Variants in OR4K1 observed in about 807,000 individuals in gnomAD.
The protein encoded by OR4K1 is olfactory receptor family 4 subfamily K member 1, also known as olfactory receptor 4K1.
OR4K1 carries 16 observed loss-of-function variants against 14.4 expected under a neutral mutation model. The observed-to-expected ratio is 1.11, with a 90% CI of 0.75 to 1.68. The LOEUF (loss-of-function observed/expected upper bound fraction) is 1.68, where lower values mean the gene tolerates loss of function less well. Ranked by LOEUF, OR4K1 falls within the 40% of genes most tolerant of loss-of-function variation. The pLI is 0.00. For missense variants in OR4K1, 548 were observed against 376.9 expected (o/e 1.45, Z -3.76); for synonymous variants, 181 against 133.1 (o/e 1.36, Z -2.48).
chr14:19,932,969 C>T (rs1566501761), intron 1 of OR4K1, among the ~76,000 whole-genome samples: 1 of 88,454 alleles, frequency 1.1e-5, no homozygotes, highest in African/African-American at 3.5e-5. Flanking sequence ...ATTTATAACA[C>T]TTATAAATAT....
At chr14:19,925,159 G>A in the OR4K1 span, among the ~76,000 whole-genome samples, 1 of 152,182 alleles carries the variant, frequency 6.6e-6, no homozygotes, top group Non-Finnish European at 1.5e-5. Flanking sequence ...GGCAGAAGAA[G>A]TGAACATTTT....
chr14:19,925,171 G>C, the OR4K1 span, among the ~76,000 whole-genome samples: 2 of 152,216 alleles, frequency 1.3e-5, no homozygotes, highest in African/African-American at 4.8e-5. Context: ...GAACATTTTA[G>C]TAAATGTGGA....
intron 1 of OR4K1, among the ~76,000 whole-genome samples, chr14:19,933,086 A>T (rs1484074422): frequency 1.3e-5 from 2 of 151,624 alleles, no homozygotes; most frequent in African/African-American, 4.8e-5. Flanking sequence ...TTTAAGTGGC[A>T]AATCTTATCA....
At chr14:19,929,027 G>A (rs930652702), upstream of OR4K1, among the ~76,000 whole-genome samples, 10 of 149,922 alleles carry the variant, frequency 6.7e-5, no homozygotes, top group Non-Finnish European at 1.3e-4. Flanking sequence ...ATATATTTAT[G>A]GCTTCTTTAA....
At position 19,935,824 on chromosome 14, in the gene OR4K1, C is replaced by A. The variant is rs376183761; in HGVS notation, c.158C>A (p.Ser53Tyr). The A allele has an allele frequency of 1.6e-5, 26 of 1,614,026 alleles. No homozygotes were observed. Among genetic ancestry groups the A allele is most frequent in the Non-Finnish European group, 2.1e-5 (25 of 1,180,022 alleles). Residue 53 changes from serine to tyrosine, a missense_variant, in exon 2 of 2, where the codon TCC (serine) becomes TAC (tyrosine). Transcript: ENST00000641172. The stretch of plus-strand genomic sequence containing the variant: ...ATTATTGTCATTATTTCTTTTGACT[C>A]CCATTTGAACTCTCCTATGTACTTC... ...VLIIVIISFD[S>Y]HLNSPMYFLL...
upstream of OR4K1, among the ~76,000 whole-genome samples, chr14:19,927,290 C>T (rs57195600): frequency 5.1e-3 from 772 of 152,166 alleles, no homozygotes; most frequent in African/African-American, 0.017. Context: ...ACTCAGATGA[C>T]CTTCATGGAC....
upstream of OR4K1, among the ~76,000 whole-genome samples, chr14:19,928,521 T>G (rs766205594): frequency 6.6e-6 from 1 of 152,186 alleles, no homozygotes; most frequent in African/African-American, 2.4e-5. Flanking sequence ...GAAAGCTTTT[T>G]TTTAAAATTC....
chr14:19,927,876 A>G (rs2138585993), upstream of OR4K1, among the ~76,000 whole-genome samples: 1 of 152,344 alleles, frequency 6.6e-6, no homozygotes, highest in African/African-American at 2.4e-5. Flanking sequence ...GATTCCACAG[A>G]GATTGTCTCT....
the OR4K1 span, among the ~76,000 whole-genome samples, chr14:19,923,423 G>A: frequency 0.2 from 30,251 of 149,330 alleles, 1,687 homozygotes; most frequent in African/African-American, 0.28. Context: ...CAACCAGCTC[G>A]TCAGATTTCT....
chr14:19,933,943 G>C (rs536781280), intron 1 of OR4K1, among the ~76,000 whole-genome samples: 1 of 152,226 alleles, frequency 6.6e-6, no homozygotes, highest in Non-Finnish European at 1.5e-5. Context: ...GGAAAGCCCT[G>C]AAAGTGTAGG....
In OR4K1 at chr14:19,936,427, G is replaced by A. The variant is rs757953680; in HGVS notation, c.761G>A (p.Cys254Tyr). ...ITVVILFFGP[C>Y]IYFYIWPFSR... ...GTGGTCATTCTTTTCTTCGGGCCTTGCATTTATTTCTATATATGGCCTTTT... is the reference window on the plus strand; with the variant it reads ...GTGGTCATTCTTTTCTTCGGGCCTTACATTTATTTCTATATATGGCCTTTT... The change falls in exon 2 of 2, where the codon TGC (cysteine) becomes TAC (tyrosine). Residue 254 changes from cysteine (C) to tyrosine (Y), a missense_variant. Transcript: ENST00000641172. The A allele has an allele frequency of 8.7e-6, 14 of 1,614,040 alleles. No homozygotes were observed. In the South Asian group the frequency reaches 1.4e-4, roughly 16 times the overall value.
chr14:19,924,036 TA>T, the OR4K1 span, among the ~76,000 whole-genome samples: 11 of 152,034 alleles, frequency 7.2e-5, no homozygotes, highest in East Asian at 1.9e-4. Flanking sequence ...GCCAGTTGAA[TA>T]AAAAAAAGTC....
Position 19,936,637 on chromosome 14 carries a change from A to T in OR4K1, c.*35A>T. 2 of 1,533,540 alleles carry T rather than the reference A, an allele frequency of 1.3e-6. No homozygotes were observed. The highest frequency in any genetic ancestry group is 1.8e-6 in the Non-Finnish European group (2 of 1,133,504). The allele number at this position is 1,533,540 out of a possible 1,614,324, so 95.0% of individuals were successfully genotyped here. A position where few individuals can be genotyped will look rare whatever the true frequency, so the allele number is the denominator to read the frequency against. On this transcript the variant is annotated 3_prime_UTR_variant, in exon 2 of 2. Coordinates refer to ENST00000641172, the MANE Select transcript of OR4K1 (RefSeq NM_001004063.3). ...CGAAGGAGCATAATCCTGAATTAGA[A>T]TGAAGACCCTCCAGTGTATCATAGT...
At chr14:19,930,352 G>T (rs527940240), upstream of OR4K1, among the ~76,000 whole-genome samples, 5 of 152,326 alleles carry the variant, frequency 3.3e-5, no homozygotes, top group East Asian at 9.6e-4. Context: ...AACCTGTGGA[G>T]ATCTAGAAAA....
At position 19,936,738 on chromosome 14, in the gene OR4K1, A is replaced by C; in HGVS notation, c.*136A>C. ...GGCTTTTTGTTTTAAGTGCAAGGGA[A>C]TTGCATCAAGTCAGTCTCTGGTTCT... On this transcript the variant is annotated 3_prime_UTR_variant, in exon 2 of 2. Coordinates refer to ENST00000641172, the MANE Select transcript of OR4K1 (RefSeq NM_001004063.3). The C allele has an allele frequency of 1.5e-6, 1 of 645,652 alleles. No individual in the cohort carries two copies. Among genetic ancestry groups the C allele is most frequent in the Non-Finnish European group, 2.4e-6 (1 of 416,430 alleles). The allele number at this position is 645,652 out of a possible 1,614,324, so 40.0% of individuals were successfully genotyped here. A position where few individuals can be genotyped will look rare whatever the true frequency, so the allele number is the denominator to read the frequency against.
upstream of OR4K1, chr14:19,930,905 C>T (rs1393288546): frequency 6.6e-6 from 1 of 152,250 alleles, no homozygotes; most frequent in Non-Finnish European, 1.5e-5. Context: ...TGTAATTGCT[C>T]GGTTGAGTGC....
At chr14:19,933,469 A>G (rs995550154) in intron 1 of OR4K1, among the ~76,000 whole-genome samples, 9 of 152,032 alleles carry the variant, frequency 5.9e-5, no homozygotes, top group African/African-American at 1.9e-4. Flanking sequence ...ATGTACACAC[A>G]TGATTAGAGA....
chr14:19,927,948 A>T (rs1029845405), upstream of OR4K1, among the ~76,000 whole-genome samples: 1 of 152,238 alleles, frequency 6.6e-6, no homozygotes, highest in Non-Finnish European at 1.5e-5. Flanking sequence ...TACAGTGAAG[A>T]GGTGTGACAA....
intron 1 of OR4K1, among the ~76,000 whole-genome samples, chr14:19,931,701 C>A (rs1364838536): frequency 6.6e-6 from 1 of 152,218 alleles, no homozygotes; most frequent in African/African-American, 2.4e-5. Flanking sequence ...CCTTTCATAT[C>A]CAACTTGGCT....
Sources: allele counts gnomAD v4.1 joint callset (sites outside exome capture counted in the v4.1 genomes callset), GRCh38; gene constraint gnomAD v4.1.1; transcripts MANE v1.5; gene names NCBI Gene and HGNC (gene_info 2026-07-23, HGNC 2026-07-21).